Variants in CACNA1A observed in about 807,000 individuals in gnomAD.
CACNA1A encodes the protein voltage-dependent P/Q-type calcium channel subunit alpha-1A.
A neutral mutation model predicts 262.4 loss-of-function variants in CACNA1A; 57 were observed. The ratio of observed to expected loss-of-function variants is 0.22; its 90% confidence interval spans 0.18 to 0.27. The LOEUF (loss-of-function observed/expected upper bound fraction) is 0.27, where lower values mean the gene tolerates loss of function less well. Among genes scored for constraint, CACNA1A ranks in the 10% least tolerant of loss-of-function variants. CACNA1A has a pLI of 1.00. For synonymous variants in CACNA1A, 1,431 were observed against 1,419.3 expected, an observed-to-expected ratio of 1.01 and a Z score of -0.18; for missense variants, 2,526 against 3,562.8, an observed-to-expected ratio of 0.71 and a Z score of 7.41.
At chr19:13,467,250 A>C (rs2061263369) in intron 1 of CACNA1A, among the ~76,000 whole-genome samples, 1 of 152,110 alleles carries the variant, frequency 6.6e-6, no homozygotes, top group South Asian at 2.1e-4. Flanking sequence ...CACACTACAC[A>C]TTTTTTAAGC....
intron 15 of CACNA1A, among the ~76,000 whole-genome samples, chr19:13,305,180 G>T (rs1253995808): frequency 6.6e-6 from 1 of 152,206 alleles, no homozygotes; most frequent in African/African-American, 2.4e-5. Context: ...ACCGGGGCTT[G>T]GTCTTGCTGG....
chr19:13,373,377 A>G (rs1043136171), intron 3 of CACNA1A, among the ~76,000 whole-genome samples: 1 of 152,178 alleles, frequency 6.6e-6, no homozygotes, highest in Non-Finnish European at 1.5e-5. Flanking sequence ...TCTGTGGCCA[A>G]CTGGTATCTG....
At chr19:13,285,278 C>T (rs376061067) in intron 20 of CACNA1A, 72 bp from the exon 21 acceptor site, 2 of 1,569,228 alleles carry the variant, frequency 1.3e-6, no homozygotes, top group Non-Finnish European at 8.7e-7. Flanking sequence ...CCTGTGTACT[C>T]CCAGGGCAGG....
At chr19:13,439,412 T>C (rs1360323690) in intron 3 of CACNA1A, among the ~76,000 whole-genome samples, 2 of 148,454 alleles carry the variant, frequency 1.3e-5, no homozygotes, top group African/African-American at 5.0e-5. Context: ...TTTTCTTTTT[T>C]TTTTTTTGAC....
chr19:13,488,771 A>C (rs1456725127), intron 1 of CACNA1A, among the ~76,000 whole-genome samples: 1 of 151,918 alleles, frequency 6.6e-6, no homozygotes, highest in Non-Finnish European at 1.5e-5. Flanking sequence ...ACTGAAGAGC[A>C]GATTGGGATT....
At chr19:13,353,277 C>T (rs1302131271) in intron 6 of CACNA1A, among the ~76,000 whole-genome samples, 1 of 151,172 alleles carries the variant, frequency 6.6e-6, no homozygotes, top group African/African-American at 2.4e-5. Flanking sequence ...CGCCACTATG[C>T]CTGGCTGATT....
At chr19:13,311,772 G>T (rs1256311528) in intron 12 of CACNA1A, among the ~76,000 whole-genome samples, 1 of 152,104 alleles carries the variant, frequency 6.6e-6, no homozygotes, top group Non-Finnish European at 1.5e-5. Context: ...GGGAGGCGGA[G>T]CTTGCAGTGA....
At chr19:13,361,779 G>A (rs2059115058) in intron 5 of CACNA1A, among the ~76,000 whole-genome samples, 1 of 152,172 alleles carries the variant, frequency 6.6e-6, no homozygotes, top group African/African-American at 2.4e-5. Context: ...ATAAATACAG[G>A]TTGGAAGGCA....
At chr19:13,331,809 T>C (rs116587879) in intron 9 of CACNA1A, among the ~76,000 whole-genome samples, 4,115 of 147,366 alleles carry the variant, frequency 0.028, 194 homozygotes, top group African/African-American at 0.098. Flanking sequence ...CATAGGTGCG[T>C]GTGCCCCCAC....
At chr19:13,296,432 C>T (rs760247025) in intron 19 of CACNA1A, among the ~76,000 whole-genome samples, 2 of 152,030 alleles carry the variant, frequency 1.3e-5, no homozygotes, top group Non-Finnish European at 2.9e-5. Flanking sequence ...TTGTTGAGTC[C>T]CTATATGCAG....
intron 1 of CACNA1A, among the ~76,000 whole-genome samples, chr19:13,462,914 C>T (rs2061150637): frequency 6.6e-6 from 1 of 152,100 alleles, no homozygotes; most frequent in South Asian, 2.1e-4. Context: ...TGCATGCCAA[C>T]ACACCTGGCT....
chr19:13,235,008 T>A lies in CACNA1A; in HGVS notation c.5162A>T (p.Glu1721Val). ...QVFGNIGIDV[E>V]DEDSDEDEFQ... is the part of the protein sequence containing the mutation. ...CTCATCTTCATCACTGTCCTCGTCC[T>A]CCACGTCGATGCCAATGTTACCAAA... Residue 1721 changes from glutamate to valine, a missense_variant, in exon 34 of 47, where the codon GAG becomes GTG. Glu to Val is a moderately radical substitution (Grantham distance 121). This residue lies in a region of CACNA1A where 17 missense variants were observed against 16.5 expected (regional missense o/e 1.03). Coordinates refer to ENST00000360228, the MANE Select transcript of CACNA1A (RefSeq NM_001127222.2). 1 of 1,613,690 alleles carries A rather than the reference T, an allele frequency of 6.2e-7. No homozygotes were observed. Among genetic ancestry groups the A allele is most frequent in the South Asian group, 1.1e-5 (1 of 91,074 alleles).
rs758320697 is a variant in CACNA1A at position 13,212,172 on chromosome 19, G to A, written c.6234C>T (p.Ser2078=). Residue 2078 remains serine, a synonymous_variant, in exon 43 of 47, where the codon AGC becomes AGT. Coordinates refer to ENST00000360228, the MANE Select transcript of CACNA1A (RefSeq NM_001127222.2). The surrounding 1 kb of genome is among the most constrained non-coding windows in gnomAD (Gnocchi z 5.6). ...GGCCTTCCATGGGGAGGTAGTGCTCGCTGTCGGAGTAGCCATCTCTGCCCA... is the reference window on the plus strand; with the variant it reads ...GGCCTTCCATGGGGAGGTAGTGCTCACTGTCGGAGTAGCCATCTCTGCCCA... ...REMGRDGYSD[S]EHYLPMEGQG... The A allele has an allele frequency of 8.1e-6, 13 of 1,613,790 alleles. No homozygotes were observed. The Admixed American group carries it at 1.5e-4, about 19-fold the overall frequency.
intron 37 of CACNA1A, chr19:13,226,180 C>T (rs1404273527): frequency 2.8e-5 from 4 of 145,202 alleles, no homozygotes; most frequent in Admixed American, 2.2e-4. Context: ...AGAGGAAGGG[C>T]TCGCCCTCCC....
chr19:13,379,446 C>A (rs1358139223), intron 3 of CACNA1A, among the ~76,000 whole-genome samples: 1 of 152,088 alleles, frequency 6.6e-6, no homozygotes, highest in East Asian at 1.9e-4. Flanking sequence ...ACCAAACCAG[C>A]AGTGTCTCTG....
At chr19:13,367,294 C>CAAAA (rs71168702) in intron 4 of CACNA1A, among the ~76,000 whole-genome samples, 36 of 64,774 alleles carry the variant, frequency 5.6e-4, no homozygotes, top group African/African-American at 2.2e-3. Flanking sequence ...GACTCTGTCT[C>CAAAA]AAAAAAAAAA....
At chr19:13,211,045 C>T (rs1359293255) in intron 43 of CACNA1A, 3 of 231,492 alleles carry the variant, frequency 1.3e-5, no homozygotes, top group Non-Finnish European at 2.6e-5. Context: ...ATGTGGTGGC[C>T]GTCAGCTGGG....
chr19:13,280,116 C>G (rs1467115944), intron 22 of CACNA1A, among the ~76,000 whole-genome samples: 2 of 152,014 alleles, frequency 1.3e-5, no homozygotes, highest in Non-Finnish European at 1.5e-5. Flanking sequence ...GCTGCATTTA[C>G]TGAGGCCAAC....
chr19:13,495,446 G>A (rs529565119), intron 1 of CACNA1A, among the ~76,000 whole-genome samples: 161 of 152,104 alleles, frequency 1.1e-3, no homozygotes, highest in Non-Finnish European at 2.0e-3. Flanking sequence ...ACAGGTGCCC[G>A]CCACCACGCC....
Sources: gnomAD v4.1 joint callset for allele counts (sites outside exome capture counted in the v4.1 genomes callset) on GRCh38, gnomAD v4.1.1 for gene constraint, gnomAD v4.1.1 regional missense constraint, Gnocchi (gnomAD v3.1) non-coding constraint, MANE v1.5 for transcripts, NCBI Gene and HGNC (gene_info 2026-07-23, HGNC 2026-07-21) for gene names.